The following MYBL2 variants were observed in gnomAD, a reference collection of about 807,000 sequenced individuals.
The protein encoded by MYBL2 is MYB proto-oncogene like 2.
A neutral mutation model predicts 79.9 loss-of-function variants in MYBL2; 28 were observed. The ratio of observed to expected loss-of-function variants is 0.35; its 90% CI spans 0.26 to 0.48. MYBL2 has a LOEUF of 0.48. MYBL2 is among the 20% of genes least tolerant of loss of function. MYBL2 has a pLI of 0.99. For missense variants in MYBL2, 735 were observed against 893.9 expected (o/e 0.82, Z 2.27); for synonymous variants, 378 against 361.2 (o/e 1.05, Z -0.53).
chr20:43,686,759 A>G, intron 4 of MYBL2, 93 bp from the exon 5 acceptor site: 1 of 1,272,108 alleles, frequency 7.9e-7, no homozygotes, highest in Non-Finnish European at 1.1e-6. Flanking sequence ...GGCACCTCTC[A>G]GGGCCATGGC....
intron 12 of MYBL2, among the ~76,000 whole-genome samples, chr20:43,714,739 T>C (rs1987988912): frequency 6.6e-6 from 1 of 152,152 alleles, no homozygotes; most frequent in Admixed American, 6.6e-5. Flanking sequence ...CGCACCATTC[T>C]TCTGCCTCAG....
intron 6 of MYBL2, among the ~76,000 whole-genome samples, chr20:43,693,745 G>A (rs1351774946): frequency 1.3e-5 from 2 of 152,074 alleles, no homozygotes; most frequent in African/African-American, 2.4e-5. Flanking sequence ...ATCTCTAAAG[G>A]TTATTTTTCA....
In MYBL2 at chr20:43,716,119, G is replaced by A. The variant is rs1215832750; in HGVS notation, c.*32G>A. 1.9e-6 allele frequency: 3 copies of A among 1,599,952 alleles called. No homozygotes were observed. The Admixed American group carries it at 5.0e-5, about 27-fold the overall frequency. ...GAGGGTGTCACGAGCCCATTCTCAT[G>A]TTTACAGGGGTTGTGGGGGCAGAGG... On this transcript the variant is annotated 3_prime_UTR_variant, in exon 14 of 14. Coordinates refer to ENST00000217026, the MANE Select transcript of MYBL2 (RefSeq NM_002466.4).
chr20:43,683,014 C>T (rs1472883872), intron 4 of MYBL2, 128 bp downstream of exon 4: 15 of 825,280 alleles, frequency 1.8e-5, no homozygotes, highest in Non-Finnish European at 3.1e-5. Flanking sequence ...TGTCTACCAG[C>T]CAGTCTGGAC....
chr20:43,715,525 T>G (rs1600569364), intron 13 of MYBL2, among the ~76,000 whole-genome samples: 2 of 152,200 alleles, frequency 1.3e-5, no homozygotes, highest in Admixed American at 6.5e-5. Context: ...GACCCTACAT[T>G]CTGTAGAGAT....
rs756959609 is a variant in MYBL2 at position 43,711,560 on chromosome 20, G to A, written c.1678G>A (p.Glu560Lys). 5.6e-6 allele frequency: 9 copies of A among 1,613,630 alleles called. No individual in the cohort carries two copies. Among genetic ancestry groups the A allele is most frequent in the East Asian group, 2.2e-5 (1 of 44,872 alleles). The change falls in exon 11 of 14, where the codon GAG (glutamate) becomes AAG (lysine). Residue 560 changes from glutamate (E) to lysine (K), a missense_variant. Coordinates refer to ENST00000217026, the MANE Select transcript of MYBL2 (RefSeq NM_002466.4). ...RSEAGIELIIEDDIRPEKQKR... is the reference protein window; with the variant it reads ...RSEAGIELIIKDDIRPEKQKR... ...TGAGGCTGGCATCGAACTCATCATCGAGGACGACATCAGGCCCGAGAAGCA... is the reference window on the plus strand; with the variant it reads ...TGAGGCTGGCATCGAACTCATCATCAAGGACGACATCAGGCCCGAGAAGCA...
chr20:43,710,051 C>T lies in MYBL2; in HGVS notation c.1594C>T (p.Leu532=). The change falls in exon 10 of 14, where the codon CTG becomes TTG. Residue 532 remains leucine, a synonymous_variant. Coordinates refer to ENST00000217026, the MANE Select transcript of MYBL2 (RefSeq NM_002466.4). ...GAACGCCCTGGAGAAGTACGGACCC[C>T]TGAAGCCCCTGGTACGTGGTGTGGT... ...FKNALEKYGP[L]KPLPQTPHLE... The T allele has an allele frequency of 6.2e-7, 1 of 1,603,744 alleles. No homozygotes were observed.
intron 7 of MYBL2, among the ~76,000 whole-genome samples, chr20:43,702,082 G>A (rs539858526): frequency 1.3e-5 from 2 of 152,222 alleles, no homozygotes; most frequent in South Asian, 4.2e-4. Context: ...AGCCGAGGTT[G>A]CACCACTGCA....
chr20:43,694,824 G>A (rs922255231), intron 6 of MYBL2, among the ~76,000 whole-genome samples: 7 of 152,228 alleles, frequency 4.6e-5, no homozygotes, highest in Non-Finnish European at 7.4e-5. Context: ...AAAGGTCTCC[G>A]TTCCACAAAG....
chr20:43,712,901 A>G, intron 11 of MYBL2, 101 bp from the exon 12 acceptor site: 1 of 866,408 alleles, frequency 1.2e-6, no homozygotes, highest in South Asian at 1.6e-5. Flanking sequence ...GCACTGCAGC[A>G]GGGCCTGGTT....
chr20:43,695,732 A>G (rs930558133), intron 6 of MYBL2, among the ~76,000 whole-genome samples: 2 of 103,534 alleles, frequency 1.9e-5, no homozygotes, highest in Non-Finnish European at 4.4e-5. Context: ...TGTAGTTCCA[A>G]CTACTTTGGA....
chr20:43,694,128 T>C (rs993744064), intron 6 of MYBL2, among the ~76,000 whole-genome samples: 19 of 151,930 alleles, frequency 1.3e-4, no homozygotes, highest in African/African-American at 4.3e-4. Context: ...GACAGGAGAT[T>C]GAGACCATCC....
intron 11 of MYBL2, among the ~76,000 whole-genome samples, chr20:43,711,950 A>G (rs1476232202): frequency 2.6e-5 from 4 of 152,130 alleles, no homozygotes; most frequent in Non-Finnish European, 5.9e-5. Context: ...CTAGACAGAC[A>G]CACCATGACT....
chr20:43,671,904 G>A (rs1181879138), intron 1 of MYBL2, among the ~76,000 whole-genome samples: 3 of 151,432 alleles, frequency 2.0e-5, no homozygotes, highest in African/African-American at 4.9e-5. Flanking sequence ...CCCCTACAGC[G>A]GCGTTAGAAG....
At chr20:43,703,608 G>C (rs1447453976) in intron 8 of MYBL2, among the ~76,000 whole-genome samples, 1 of 152,136 alleles carries the variant, frequency 6.6e-6, no homozygotes, top group Non-Finnish European at 1.5e-5. Flanking sequence ...GTGGAGTGGT[G>C]GGGGGTGGCG....
At chr20:43,713,224 A>C (rs1987951952) in intron 12 of MYBL2, 118 bp downstream of exon 12, 6 of 401,806 alleles carry the variant, frequency 1.5e-5, no homozygotes, top group Non-Finnish European at 3.1e-5. Flanking sequence ...AGGGGCTATC[A>C]GGGAGGGTGG....
At chr20:43,682,998 G>A (rs1377415908) in intron 4 of MYBL2, 112 bp downstream of exon 4, 6 of 992,892 alleles carry the variant, frequency 6.0e-6, no homozygotes, top group East Asian at 2.5e-5. Context: ...AGCATTGGGT[G>A]TGAGTTGTCT....
rs571946417 is a variant in MYBL2, at chr20:43,699,193, C to G, written c.664-564C>G. Among the ~76,000 whole-genome samples the G allele has an allele frequency of 3.9e-5, 6 of 152,054 alleles. No homozygotes were observed. In the South Asian group the frequency reaches 1.2e-3, roughly 32 times the overall value. ...AGCTAGGATTACAGGTGCCTGCCAC[C>G]ACACCTGGCTAATTTTGTTTTGTTT... On this transcript the variant is annotated intron_variant, in intron 6 of 13. Transcript: ENST00000217026.
chr20:43,692,671 C>T (rs1175486058), intron 6 of MYBL2, among the ~76,000 whole-genome samples: 2 of 152,178 alleles, frequency 1.3e-5, no homozygotes, highest in Admixed American at 6.6e-5. Flanking sequence ...CGTTGGTTCA[C>T]ACCTGTAATC....
Sources: allele counts gnomAD v4.1 joint callset (sites outside exome capture counted in the v4.1 genomes callset), GRCh38; gene constraint gnomAD v4.1.1; transcripts MANE v1.5; gene names NCBI Gene and HGNC (gene_info 2026-07-23, HGNC 2026-07-21).